ADAM15: variants seen among roughly 807,000 people sequenced by gnomAD.
The protein encoded by ADAM15 is ADAM metallopeptidase domain 15.
Under a neutral mutation model 113.8 loss-of-function variants are expected in ADAM15, and 77 were observed. The ratio of observed to expected loss-of-function variants is 0.68; its 90% CI spans 0.56 to 0.82. The LOEUF is 0.82. Ranked by LOEUF, ADAM15 falls within the 40% of genes least tolerant of loss-of-function variation. The probability of loss-of-function intolerance (pLI) is 0.00; values close to 1 mark genes in which losing one functional copy is unlikely to be tolerated. For missense variants in ADAM15, 963 were observed against 1,120.1 expected (o/e 0.86, Z 2.00); for synonymous variants, 388 against 454.1 (o/e 0.85, Z 1.85).
chr1:155,053,985 T>C lies in ADAM15; in HGVS notation c.339T>C (p.Thr113=), dbSNP rs1321587895. ...CTCGGGTGGTCAGTGAGGGACACAC[T>C]TTGGTGAGTCAGGCCCTCTTGTGCC... ...DGTRVVSEGH[T]LENCCYQGRV... The change falls in exon 4 of 23, where the codon ACT becomes ACC. Residue 113 remains threonine (T), a synonymous_variant. Coordinates refer to ENST00000356955, the MANE Select transcript of ADAM15 (RefSeq NM_207197.3). The C allele has an allele frequency of 6.2e-7, 1 of 1,613,966 alleles. No individual in the cohort carries two copies. Among genetic ancestry groups the C allele is most frequent in the African/African-American group, 1.3e-5 (1 of 74,882 alleles).
At chr1:155,052,396 G>C in intron 1 of ADAM15, 1 of 1,126,732 alleles carries the variant, frequency 8.9e-7, no homozygotes, top group Non-Finnish European at 1.2e-6. Context: ...GAGAACCTGG[G>C]ATTGGCCGGA....
chr1:155,060,811 C>G lies in ADAM15; in HGVS notation c.2256C>G (p.Ala752=). Residue 752 remains alanine, a synonymous_variant, in exon 19 of 23, where the codon GCC becomes GCG. Coordinates refer to ENST00000356955, the MANE Select transcript of ADAM15 (RefSeq NM_207197.3). ...PSERPGPPQR[A]LLARGTKQAS... ...AACGGCCAGGACCTCCGCAGAGGGC[C>G]CTGCTGGCACGAGGCACTAAGGTGA... is the stretch of plus-strand genomic sequence containing the variant. 3 of 1,612,450 alleles carry G rather than the reference C, an allele frequency of 1.9e-6. No homozygotes were observed. The highest frequency in any genetic ancestry group is 2.5e-6 in the Non-Finnish European group (3 of 1,179,934).
chr1:155,052,782 G>A lies in ADAM15; in HGVS notation c.186+5G>A, dbSNP rs1163568838. Reference sequence around the variant, plus strand: ...AGCCTCAAAAAGGTGCTTCAGGTGAGCTCTCACTCCCCTCTAATAAATAAA... The same window carrying A: ...AGCCTCAAAAAGGTGCTTCAGGTGAACTCTCACTCCCCTCTAATAAATAAA... On this transcript the variant is annotated splice_donor_5th_base_variant and intron_variant, in intron 2 of 22. Coordinates refer to ENST00000356955, the MANE Select transcript of ADAM15 (RefSeq NM_207197.3). 2 of 1,606,308 alleles carry A rather than the reference G, an allele frequency of 1.2e-6. No individual in the cohort carries two copies. Among genetic ancestry groups the A allele is most frequent in the Non-Finnish European group, 1.7e-6 (2 of 1,176,572 alleles).
rs531894901 is a variant in ADAM15, at chr1:155,062,605, G to C, written c.*103G>C. The stretch of plus-strand genomic sequence containing the variant: ...ATGACTGAAGGCGCCAGAGACTGGC[G>C]GTGTCTTAAGACTCCGGGCACCGCC... On this transcript the variant is annotated 3_prime_UTR_variant, in exon 23 of 23. Transcript: ENST00000356955. The surrounding 1 kb of genome is among the most constrained non-coding windows in gnomAD (Gnocchi z 7.0). 2 of 1,479,260 alleles carry C rather than the reference G, an allele frequency of 1.4e-6. No homozygotes were observed. Among genetic ancestry groups the C allele is most frequent in the Admixed American group, 2.0e-5 (1 of 49,374 alleles). 91.6% of individuals were successfully genotyped at this position (1,479,260 alleles called of 1,614,324 possible).
Position 155,056,844 on chromosome 1 carries a change from G to A in ADAM15, c.1000-109G>A. The A allele has an allele frequency of 6.9e-7, 1 of 1,443,610 alleles. No homozygotes were observed. The highest frequency in any genetic ancestry group is 9.3e-7 in the Non-Finnish European group (1 of 1,073,830). The allele number at this position is 1,443,610 out of a possible 1,614,324, so 89.4% of individuals were successfully genotyped here. A position where few individuals can be genotyped will look rare whatever the true frequency, so the allele number is the denominator to read the frequency against. On this transcript the variant is annotated intron_variant, in intron 10 of 22. Coordinates refer to ENST00000356955, the MANE Select transcript of ADAM15 (RefSeq NM_207197.3). The surrounding 1 kb of genome is among the most constrained non-coding windows in gnomAD (Gnocchi z 4.0). ...ATTCAGGAGGGAAGCAGTGCCTGCT[G>A]AGTGCCCACGAGGTCAGACGTGGAG...
At chr1:155,052,552 C>A in intron 1 of ADAM15, 119 bp from the exon 2 acceptor site, 1 of 1,550,104 alleles carries the variant, frequency 6.5e-7, no homozygotes, top group Non-Finnish European at 8.7e-7. Flanking sequence ...AATGTGGAAG[C>A]CCCTCAGGTA....
In ADAM15 at chr1:155,056,471, G is replaced by T; in HGVS notation, c.999+1G>T. On this transcript the variant is annotated splice_donor_variant, in intron 10 of 22. Transcript: ENST00000356955. LOFTEE classifies it high-confidence loss of function. This position sits in a 1 kb window ranked among gnomAD's most constrained non-coding sequence, Gnocchi z 4.0. The stretch of plus-strand genomic sequence containing the variant: ...TGACTTCTCAGGAGGTGTGAACATG[G>T]TGAGTTATTTCCAGGTCTCCTCCTC... 6.2e-7 allele frequency: 1 copy of T among 1,613,602 alleles called. No homozygotes were observed. The highest frequency in any genetic ancestry group is 8.5e-7 in the Non-Finnish European group (1 of 1,179,590).
rs1258171122 is a variant in ADAM15, at chr1:155,057,256, T to C, written c.1217T>C (p.Met406Thr). Residue 406 changes from methionine (M) to threonine (T), a missense_variant, in exon 12 of 23, where the codon ATG (methionine) becomes ACG (threonine). Coordinates refer to ENST00000356955, the MANE Select transcript of ADAM15 (RefSeq NM_207197.3). The surrounding 1 kb of genome is among the most constrained non-coding windows in gnomAD (Gnocchi z 5.0). Reference protein sequence around the residue: ...RALEKALLDGMGSCLFERLPS... With the variant: ...RALEKALLDGTGSCLFERLPS... ...CTGGAGAAAGCCCTCCTGGATGGAA[T>C]GGGCAGCTGCCTCTTCGAACGGCTG... is the stretch of plus-strand genomic sequence containing the variant. The C allele has an allele frequency of 1.9e-6, 3 of 1,614,170 alleles. No homozygotes were observed. The highest frequency in any genetic ancestry group is 4.5e-5 in the East Asian group (2 of 44,888).
At chr1:155,059,319 A>G (rs1571626435) in intron 16 of ADAM15, among the ~76,000 whole-genome samples, 1 of 152,038 alleles carries the variant, frequency 6.6e-6, no homozygotes, top group South Asian at 2.1e-4. Flanking sequence ...CTCCCGCCTC[A>G]GCCTCCCAAA....
At position 155,057,011 on chromosome 1, in the gene ADAM15, G is replaced by A. The variant is rs753489498; in HGVS notation, c.1058G>A (p.Ser353Asn). 1 of 1,606,692 alleles carries A rather than the reference G, an allele frequency of 6.2e-7. No homozygotes were observed. The stretch of plus-strand genomic sequence containing the variant: ...TCCATAGCCCATGAGTTGGGCCACA[G>A]CCTGGGCCTGGACCATGATTTGCCT... The part of the protein sequence containing the change: ...ASSIAHELGH[S>N]LGLDHDLPGN... The change falls in exon 11 of 23, where the codon AGC becomes AAC. Residue 353 changes from serine to asparagine, a missense_variant. Physicochemically the swap from Ser to Asn is conservative, Grantham distance 46. Coordinates refer to ENST00000356955, the MANE Select transcript of ADAM15 (RefSeq NM_207197.3). The surrounding 1 kb of genome is among the most constrained non-coding windows in gnomAD (Gnocchi z 5.0).
At position 155,058,530 on chromosome 1, in the gene ADAM15, C is replaced by T; in HGVS notation, c.1917+89C>T. The T allele has an allele frequency of 6.4e-7, 1 of 1,562,964 alleles. No homozygotes were observed. Among genetic ancestry groups the T allele is most frequent in the Non-Finnish European group, 8.6e-7 (1 of 1,157,498 alleles). ...CCCAGACTTCACCATTCACCAATGT[C>T]AAAGGCAGGGACTCCAAGGGAAGTC... On this transcript the variant is annotated intron_variant, in intron 15 of 22. Transcript: ENST00000356955. The surrounding 1 kb of genome is among the most constrained non-coding windows in gnomAD (Gnocchi z 4.3).
chr1:155,052,852 A>G, intron 2 of ADAM15, 75 bp downstream of exon 2: 2 of 1,514,954 alleles, frequency 1.3e-6, no homozygotes, highest in Non-Finnish European at 1.8e-6. Flanking sequence ...TCAAAGCCAA[A>G]GCTTGGCTGA....
intron 17 of ADAM15, 28 bp downstream of exon 17, chr1:155,060,002 G>T (rs777355648): frequency 3.7e-6 from 6 of 1,612,488 alleles, no homozygotes; most frequent in Non-Finnish European, 5.1e-6. Context: ...GACAGGGGCA[G>T]CTGGGAGGGC....
Position 155,056,943 on chromosome 1 carries a change from C to T in ADAM15, c.1000-10C>T. On this transcript the variant is annotated splice_polypyrimidine_tract_variant and intron_variant, in intron 10 of 22. Coordinates refer to ENST00000356955, the MANE Select transcript of ADAM15 (RefSeq NM_207197.3). The surrounding 1 kb of genome is among the most constrained non-coding windows in gnomAD (Gnocchi z 4.0). ...GGGACTGGACCTACAGTACCCCTCC[C>T]CAATGACAGGACCACTCCACCAGCA... The T allele has an allele frequency of 1.3e-6, 2 of 1,544,144 alleles. No individual in the cohort carries two copies. Among genetic ancestry groups the T allele is most frequent in the Non-Finnish European group, 1.7e-6 (2 of 1,145,186 alleles).
At chr1:155,053,302 C>A in intron 2 of ADAM15, 115 bp from the exon 3 acceptor site, 1 of 930,654 alleles carries the variant, frequency 1.1e-6, no homozygotes, top group Non-Finnish European at 1.7e-6. Context: ...CCCTGGGATC[C>A]CCCCACCAGT....
Position 155,054,321 on chromosome 1 carries a change from G to T in ADAM15, c.427G>T (p.Val143Leu). 6.3e-7 allele frequency: 1 copy of T among 1,587,934 alleles called. No homozygotes were observed. Among genetic ancestry groups the T allele is most frequent in the Non-Finnish European group, 8.6e-7 (1 of 1,168,308 alleles). ...ICTCSGLRGL[V>L]VLTPERSYTL... Reference sequence around the variant, plus strand: ...GACTTTCTTTTTTCTTAGAGGCTTGGTGGTCCTGACCCCAGAGAGAAGCTA... The same window carrying T: ...GACTTTCTTTTTTCTTAGAGGCTTGTTGGTCCTGACCCCAGAGAGAAGCTA... Residue 143 changes from valine (V) to leucine (L), a missense_variant, in exon 6 of 23, where the codon GTG (valine) becomes TTG (leucine). Val to Leu is a conservative substitution (Grantham distance 32, BLOSUM62 1). Transcript: ENST00000356955.
chr1:155,055,041 T>C (rs748779013), intron 6 of ADAM15, among the ~76,000 whole-genome samples: 47 of 152,078 alleles, frequency 3.1e-4, no homozygotes, highest in Non-Finnish European at 5.9e-4. Context: ...AGATAATACA[T>C]AGTTACCAAT....
At position 155,058,220 on chromosome 1, in the gene ADAM15, C is replaced by A. The variant is rs918285650; in HGVS notation, c.1722-26C>A. 27 of 1,613,850 alleles carry A rather than the reference C, an allele frequency of 1.7e-5. No homozygotes were observed. Among genetic ancestry groups the A allele is most frequent in the Non-Finnish European group, 2.3e-5 (27 of 1,179,932 alleles). ...AGCCTTGGCCCTGCTCCTACTAACT[C>A]TGTGTGCCCTTCCCCCTCCCCACAG... On this transcript the variant is annotated intron_variant, in intron 14 of 22. Coordinates refer to ENST00000356955, the MANE Select transcript of ADAM15 (RefSeq NM_207197.3). The surrounding 1 kb of genome is among the most constrained non-coding windows in gnomAD (Gnocchi z 4.3).
rs566830465 is a variant in ADAM15 at position 155,054,317 on chromosome 1, C to T, written c.423C>T (p.Gly141=). The T allele has an allele frequency of 6.3e-7, 1 of 1,584,664 alleles. No homozygotes were observed. The highest frequency in any genetic ancestry group is 2.2e-5 in the East Asian group (1 of 44,562). The stretch of plus-strand genomic sequence containing the variant: ...CTCTGACTTTCTTTTTTCTTAGAGG[C>T]TTGGTGGTCCTGACCCCAGAGAGAA... ...VSICTCSGLR[G]LVVLTPERSY... is the part of the protein sequence containing the mutation. The change falls in exon 6 of 23, where the codon GGC becomes GGT. Residue 141 remains glycine, a synonymous_variant. Transcript: ENST00000356955.
Sources: allele counts gnomAD v4.1 joint callset (sites outside exome capture counted in the v4.1 genomes callset), GRCh38; gene constraint gnomAD v4.1.1; non-coding constraint Gnocchi (gnomAD v3.1); transcripts MANE v1.5; gene names NCBI Gene and HGNC (gene_info 2026-07-23, HGNC 2026-07-21).